TMEM35A: variants seen among roughly 807,000 people sequenced by gnomAD.
The protein encoded by TMEM35A is transmembrane protein 35A.
For missense variants in TMEM35A, 83 were observed against 132.7 expected (o/e 0.63, Z 1.84); for synonymous variants, 50 against 54.7 (o/e 0.91, Z 0.38).
intron 1 of TMEM35A, among the ~76,000 whole-genome samples, chrX:101,079,973 C>T (rs1482103202): frequency 1.8e-5 from 2 of 111,482 alleles, no homozygotes; most frequent in East Asian, 5.6e-4. Context: ...CCCAGTTGGG[C>T]GTGATGAGGA....
intron 1 of TMEM35A, among the ~76,000 whole-genome samples, chrX:101,089,443 A>C (rs771165422): frequency 1.5e-4 from 16 of 110,250 alleles, no homozygotes; most frequent in Admixed American, 3.0e-4. Flanking sequence ...CACCCAAGGT[A>C]AGTAGCCTTG....
rs1178376350 is a variant in TMEM35A, at chrX:101,094,693, C to T, written c.241C>T (p.Leu81Phe). 2 of 1,209,545 alleles carry T rather than the reference C, an allele frequency of 1.7e-6. No homozygotes were observed. Among genetic ancestry groups the T allele is most frequent in the Non-Finnish European group, 2.2e-6 (2 of 895,252 alleles). ...AGTGGCCTGTGGCATCGTCATGACC[C>T]TTGTGCCTGGGCGTCCCAAAGATGT... is the stretch of plus-strand genomic sequence containing the variant. ...LEVACGIVMT[L>F]VPGRPKDVAN... Residue 81 changes from leucine to phenylalanine, a missense_variant, in exon 2 of 2, where the codon CTT (leucine) becomes TTT (phenylalanine). Leu to Phe is a conservative substitution (Grantham distance 22). Transcript: ENST00000372930.
chrX:101,093,463 C>T (rs1262347338), intron 1 of TMEM35A, among the ~76,000 whole-genome samples: 1 of 109,209 alleles, frequency 9.2e-6, no homozygotes, highest in Non-Finnish European at 1.9e-5. Context: ...ACAGGCATGC[C>T]CCACCACACC....
At chrX:101,082,632 T>C (rs2089296051) in intron 1 of TMEM35A, among the ~76,000 whole-genome samples, 1 of 109,934 alleles carries the variant, frequency 9.1e-6, no homozygotes, top group African/African-American at 3.3e-5. Context: ...GGGATTGAAA[T>C]CAAGCATATA....
At chrX:101,080,256 G>A (rs911795444) in intron 1 of TMEM35A, among the ~76,000 whole-genome samples, 6 of 111,535 alleles carry the variant, frequency 5.4e-5, no homozygotes, top group African/African-American at 2.0e-4. Context: ...CACACATTGC[G>A]AGGAATTCAT....
chrX:101,089,069 A>G (rs1309090165), intron 1 of TMEM35A, among the ~76,000 whole-genome samples: 1 of 111,501 alleles, frequency 9.0e-6, no homozygotes, highest in African/African-American at 3.3e-5. Context: ...CCTAAACCTC[A>G]GCTCAGCTCT....
Position 101,078,893 on chromosome X carries a change from C to A in TMEM35A, c.-110C>A, listed in dbSNP as rs1212116552. On this transcript the variant is annotated 5_prime_UTR_variant, in exon 1 of 2. It adds an upstream start codon to the 5' untranslated region. Transcript: ENST00000372930. ...CCTCTCCCTTTGTCATTCTAGCTGCCTGCTGCCTCCGCAGCGTCCCCCCAG... is the reference window on the plus strand; with the variant it reads ...CCTCTCCCTTTGTCATTCTAGCTGCATGCTGCCTCCGCAGCGTCCCCCCAG... 4 of 1,046,362 alleles carry A rather than the reference C, an allele frequency of 3.8e-6. No homozygotes were observed. Among genetic ancestry groups the A allele is most frequent in the Non-Finnish European group, 5.2e-6 (4 of 765,814 alleles). The allele number at this position is 1,046,362 out of a possible 1,213,427, so 86.2% of individuals were successfully genotyped here. A position where few individuals can be genotyped will look rare whatever the true frequency, so the allele number is the denominator to read the frequency against.
At chrX:101,091,120 C>T (rs182954250) in intron 1 of TMEM35A, among the ~76,000 whole-genome samples, 115 of 110,748 alleles carry the variant, frequency 1.0e-3, no homozygotes, top group Non-Finnish European at 1.5e-3. Context: ...GGATTACAGG[C>T]GTGAGACACT....
At position 101,094,903 on chromosome X, in the gene TMEM35A, G is replaced by A. The variant is rs372016206; in HGVS notation, c.451G>A (p.Glu151Lys). 5.8e-6 allele frequency: 7 copies of A among 1,205,400 alleles called. No homozygotes were observed. In the African/African-American group the frequency reaches 1.2e-4, roughly 21 times the overall value. The stretch of plus-strand genomic sequence containing the variant: ...GAAGCCTTTGCCAGGGAATGCTGAG[G>A]AGCAACCCTCCTTATATGAGAAGGC... ...EKKPLPGNAE[E>K]QPSLYEKAPQ... Residue 151 changes from glutamate (E) to lysine (K), a missense_variant, in exon 2 of 2, where the codon GAG becomes AAG. Glu to Lys is a moderately conservative substitution (Grantham distance 56). Transcript: ENST00000372930.
chrX:101,081,743 GT>G (rs1360340434), intron 1 of TMEM35A: 6 of 112,265 alleles, frequency 5.3e-5, no homozygotes, highest in Non-Finnish European at 9.4e-5. Context: ...TGTTGCTGCT[GT>G]TGTTGTTTTA....
At chrX:101,082,133 C>CTTTCTTT (rs2089293836) in intron 1 of TMEM35A, among the ~76,000 whole-genome samples, 2 of 20,470 alleles carry the variant, frequency 9.8e-5, no homozygotes, top group African/African-American at 3.3e-4. Context: ...TTCTTTCTTT[C>CTTTCTTT]TTTTTTTTTT....
At chrX:101,088,485 AC>A (rs1309681748) in intron 1 of TMEM35A, among the ~76,000 whole-genome samples, 1 of 111,236 alleles carries the variant, frequency 9.0e-6, no homozygotes, top group East Asian at 2.8e-4. Context: ...GCATGGTGGC[AC>A]AAGCCTGTAG....
chrX:101,095,861 G>T lies in TMEM35A; in HGVS notation c.*905G>T, dbSNP rs2089338791. The T allele has an allele frequency of 8.9e-6, 1 of 111,979 alleles. No homozygotes were observed. Among genetic ancestry groups the T allele is most frequent in the South Asian group, 3.7e-4 (1 of 2,727 alleles). The allele number at this position is 111,979 out of a possible 1,213,427, so 9.2% of individuals were successfully genotyped here. A position where few individuals can be genotyped will look rare whatever the true frequency, so the allele number is the denominator to read the frequency against. On this transcript the variant is annotated 3_prime_UTR_variant, in exon 2 of 2. Transcript: ENST00000372930. ...AGCAGCCAACCAGGATTTGGCAGCT[G>T]CTCCACTGTTACGGTTGAGGGAACA...
Position 101,095,154 on chromosome X carries a change from T to G in TMEM35A, c.*198T>G. The stretch of plus-strand genomic sequence containing the variant: ...CACATTGACATTTGTGCGCCACCTT[T>G]AATCACTCTGGGGCAACTCTCACAT... On this transcript the variant is annotated 3_prime_UTR_variant, in exon 2 of 2. Coordinates refer to ENST00000372930, the MANE Select transcript of TMEM35A (RefSeq NM_021637.3). The G allele has an allele frequency of 2.3e-6, 1 of 438,739 alleles. No individual in the cohort carries two copies. The highest frequency in any genetic ancestry group is 4.0e-5 in the East Asian group (1 of 25,287). 36.2% of individuals were successfully genotyped at this position (438,739 alleles called of 1,213,427 possible).
At chrX:101,086,287 A>G (rs28483057) in intron 1 of TMEM35A, among the ~76,000 whole-genome samples, 2,142 of 111,164 alleles carry the variant, frequency 0.019, 73 homozygotes, top group African/African-American at 0.066. Flanking sequence ...CGCTTGGCTA[A>G]TTTTTGTATT....
intron 1 of TMEM35A, among the ~76,000 whole-genome samples, chrX:101,087,480 A>T (rs1202604963): frequency 2.7e-5 from 3 of 112,285 alleles, no homozygotes; most frequent in Non-Finnish European, 5.6e-5. Context: ...GAGGAAAGAA[A>T]GAAGCAACAG....
rs1356471582 is a variant in TMEM35A, at chrX:101,095,926, A to G, written c.*970A>G. Reference sequence around the variant, plus strand: ...TAGAAGTCTGTGAGCCTCAAACTCTACCTGTTCTCTGCAATCATCCAAAAT... The same window carrying G: ...TAGAAGTCTGTGAGCCTCAAACTCTGCCTGTTCTCTGCAATCATCCAAAAT... On this transcript the variant is annotated 3_prime_UTR_variant, in exon 2 of 2. Coordinates refer to ENST00000372930, the MANE Select transcript of TMEM35A (RefSeq NM_021637.3). The G allele has an allele frequency of 8.9e-6, 1 of 111,971 alleles. No individual in the cohort carries two copies. Among genetic ancestry groups the G allele is most frequent in the East Asian group, 2.8e-4 (1 of 3,581 alleles). The allele number at this position is 111,971 out of a possible 1,213,427, so 9.2% of individuals were successfully genotyped here. A position where few individuals can be genotyped will look rare whatever the true frequency, so the allele number is the denominator to read the frequency against.
intron 1 of TMEM35A, among the ~76,000 whole-genome samples, chrX:101,090,327 AT>A (rs1199957258): frequency 0.05 from 3,329 of 66,119 alleles, 143 homozygotes; most frequent in African/African-American, 0.13. Flanking sequence ...TAATTTTTGT[AT>A]TTTTTTTTTT....
chrX:101,090,169 C>CTTTT (rs771239790), intron 1 of TMEM35A, among the ~76,000 whole-genome samples: 1 of 97,527 alleles, frequency 1.0e-5, no homozygotes, highest in African/African-American at 4.4e-5. Flanking sequence ...TTCTTTCTTT[C>CTTTT]TTTTTTTTTT....
Sources: allele counts gnomAD v4.1 joint callset (sites outside exome capture counted in the v4.1 genomes callset), GRCh38; gene constraint gnomAD v4.1.1; transcripts MANE v1.5; gene names NCBI Gene and HGNC (gene_info 2026-07-23, HGNC 2026-07-21).